The following BMERB1 variants were observed in gnomAD, a reference collection of about 807,000 sequenced individuals.
BMERB1 encodes the protein bMERB domain containing 1.
BMERB1 carries 12 observed loss-of-function variants against 23.6 expected under a neutral mutation model. That is an observed-to-expected ratio of 0.51 (90% CI 0.33 to 0.82). BMERB1 has a LOEUF of 0.82. Among genes scored for constraint, BMERB1 ranks in the 40% least tolerant of loss-of-function variants. BMERB1 has a pLI of 0.03. For missense variants in BMERB1, 247 were observed against 255.4 expected (o/e 0.97, Z 0.22); for synonymous variants, 122 against 96.6 (o/e 1.26, Z -1.54).
chr16:15,476,114 A>C (rs1352469838), intron 1 of BMERB1, among the ~76,000 whole-genome samples: 1 of 151,868 alleles, frequency 6.6e-6, no homozygotes, highest in East Asian at 1.9e-4. Context: ...CCAGGAGCTG[A>C]AGTTTAAATT....
At chr16:15,502,639 G>T (rs1220623000) in intron 1 of BMERB1, among the ~76,000 whole-genome samples, 1 of 152,176 alleles carries the variant, frequency 6.6e-6, no homozygotes, top group African/African-American at 2.4e-5. Flanking sequence ...AGTCTAGAGT[G>T]CCACCAGGAG....
At chr16:15,486,599 G>C (rs2051370906) in intron 1 of BMERB1, among the ~76,000 whole-genome samples, 1 of 152,200 alleles carries the variant, frequency 6.6e-6, no homozygotes, top group Non-Finnish European at 1.5e-5. Context: ...GGGGATGTGA[G>C]TTCCATTGTA....
At chr16:15,519,879 G>C (rs974651187) in intron 2 of BMERB1, among the ~76,000 whole-genome samples, 1 of 152,102 alleles carries the variant, frequency 6.6e-6, no homozygotes, top group African/African-American at 2.4e-5. Context: ...AGAGGAGGGA[G>C]ATTTCCCTAC....
chr16:15,541,790 G>A (rs905672499), intron 2 of BMERB1, among the ~76,000 whole-genome samples: 2 of 151,544 alleles, frequency 1.3e-5, no homozygotes, highest in Non-Finnish European at 2.9e-5. Flanking sequence ...TTTTGGTAGA[G>A]GTGGGGTTTC....
chr16:15,535,813 G>A (rs999319108), intron 2 of BMERB1, among the ~76,000 whole-genome samples: 1 of 151,840 alleles, frequency 6.6e-6, no homozygotes, highest in Admixed American at 6.6e-5. Flanking sequence ...TCACAGTTTC[G>A]CATGGCTGGG....
At chr16:15,437,993 C>T (rs1410454456) in intron 1 of BMERB1, among the ~76,000 whole-genome samples, 1 of 151,932 alleles carries the variant, frequency 6.6e-6, no homozygotes, top group Non-Finnish European at 1.5e-5. Flanking sequence ...CCTTCTTACC[C>T]TCTGTTTCAA....
At chr16:15,531,023 G>T (rs2051962371) in intron 2 of BMERB1, among the ~76,000 whole-genome samples, 1 of 148,414 alleles carries the variant, frequency 6.7e-6, no homozygotes, top group Non-Finnish European at 1.5e-5. Flanking sequence ...ATTCGCCTCA[G>T]CCTCCCAAGT....
At position 15,522,788 on chromosome 16, in the gene BMERB1, G is replaced by A. The variant is rs187470910; in HGVS notation, c.230+7360G>A. ...TCTAGGGGACCATAGAGATGGGCCAGTTGTCGGGATCTGATCCCACGGCAG... is the reference window on the plus strand; with the variant it reads ...TCTAGGGGACCATAGAGATGGGCCAATTGTCGGGATCTGATCCCACGGCAG... On this transcript the variant is annotated intron_variant, in intron 2 of 5. Transcript: ENST00000300006. 1.1e-3 allele frequency among the ~76,000 whole-genome samples: 173 copies of A among 152,298 alleles called. 3 individuals carry two copies. In the East Asian group the frequency reaches 0.026, roughly 23 times the overall value.
At chr16:15,563,510 T>C (rs1052908488) in intron 2 of BMERB1, among the ~76,000 whole-genome samples, 1 of 152,094 alleles carries the variant, frequency 6.6e-6, no homozygotes, top group African/African-American at 2.4e-5. Flanking sequence ...TGAGCCACCG[T>C]GCCCAGCCAG....
intron 1 of BMERB1, among the ~76,000 whole-genome samples, chr16:15,455,038 A>G (rs1038449139): frequency 6.6e-6 from 1 of 152,104 alleles, no homozygotes; most frequent in Non-Finnish European, 1.5e-5. Context: ...GGAGAAGTGT[A>G]GAAAATGTCA....
intron 1 of BMERB1, among the ~76,000 whole-genome samples, chr16:15,481,323 G>A (rs1180842371): frequency 1.3e-5 from 2 of 152,070 alleles, no homozygotes; most frequent in Non-Finnish European, 2.9e-5. Flanking sequence ...TCAGGGGATC[G>A]AGACCATCCT....
chr16:15,442,235 G>A (rs1322451055), intron 1 of BMERB1, among the ~76,000 whole-genome samples: 1 of 151,948 alleles, frequency 6.6e-6, no homozygotes, highest in Non-Finnish European at 1.5e-5. Context: ...GGAGGCTGAG[G>A]CGGGAGACTC....
chr16:15,450,202 T>C (rs1281209636), intron 1 of BMERB1, among the ~76,000 whole-genome samples: 1 of 152,198 alleles, frequency 6.6e-6, no homozygotes, highest in Non-Finnish European at 1.5e-5. Context: ...GATGTGGCTA[T>C]GTTTTGTTTC....
At chr16:15,451,775 T>C (rs2150924406) in intron 1 of BMERB1, among the ~76,000 whole-genome samples, 1 of 143,418 alleles carries the variant, frequency 7.0e-6, no homozygotes, top group South Asian at 2.2e-4. Context: ...AGGGTCTTAC[T>C]TTAGTGCCCA....
intron 2 of BMERB1, among the ~76,000 whole-genome samples, chr16:15,550,816 G>A (rs1398860096): frequency 7.9e-5 from 12 of 152,124 alleles, no homozygotes; most frequent in Admixed American, 3.3e-4. Flanking sequence ...GTCTGATCTC[G>A]GGCGATTTAC....
chr16:15,550,639 G>A (rs1236846839), intron 2 of BMERB1, among the ~76,000 whole-genome samples: 3 of 151,916 alleles, frequency 2.0e-5, no homozygotes, highest in Admixed American at 6.6e-5. Flanking sequence ...CGCCCGGCCT[G>A]AAAGCATTTT....
At chr16:15,457,296 G>A (rs2051094551) in intron 1 of BMERB1, among the ~76,000 whole-genome samples, 1 of 152,210 alleles carries the variant, frequency 6.6e-6, no homozygotes, top group African/African-American at 2.4e-5. Context: ...AAATGATACT[G>A]TGGAAAAAGT....
intron 3 of BMERB1, among the ~76,000 whole-genome samples, chr16:15,579,155 G>A (rs1047313705): frequency 1.3e-5 from 2 of 152,200 alleles, no homozygotes; most frequent in African/African-American, 4.8e-5. Context: ...GAGAGCAGTG[G>A]AGGGCACTTG....
At position 15,587,400 on chromosome 16, in the gene BMERB1, C is replaced by T. The variant is rs936935284; in HGVS notation, c.*571C>T. 3.5e-5 allele frequency: 10 copies of T among 287,762 alleles called. No individual in the cohort carries two copies. The highest frequency in any genetic ancestry group is 5.8e-5 in the Non-Finnish European group (8 of 137,218). 17.8% of individuals were successfully genotyped at this position (287,762 alleles called of 1,614,324 possible). A position where few individuals can be genotyped will look rare whatever the true frequency, so the allele number is the denominator to read the frequency against. On this transcript the variant is annotated 3_prime_UTR_variant, in exon 6 of 6. Transcript: ENST00000300006. ...TCCCAGAGGGCCCATCTGTAAAGAT[C>T]GAGCTTGTGTGTGGTGTCGTGGTCA... is the stretch of plus-strand genomic sequence containing the variant.
Sources: allele counts gnomAD v4.1 joint callset (sites outside exome capture counted in the v4.1 genomes callset), GRCh38; gene constraint gnomAD v4.1.1; transcripts MANE v1.5; gene names NCBI Gene and HGNC (gene_info 2026-07-23, HGNC 2026-07-21).